Variants in ABCG5 observed in about 807,000 individuals in gnomAD.
ABCG5 encodes ATP-binding cassette sub-family G member 5.
ABCG5 carries 64 observed loss-of-function variants against 64.5 expected under a neutral mutation model. The ratio of observed to expected loss-of-function variants is 0.99; its 90% CI spans 0.81 to 1.22. The LOEUF (loss-of-function observed/expected upper bound fraction) is 1.22. Among genes scored for constraint, ABCG5 ranks in the 50% most tolerant of loss-of-function variants. The probability of loss-of-function intolerance (pLI) is 0.00; values close to 1 mark genes in which losing one functional copy is unlikely to be tolerated. For synonymous variants in ABCG5, 385 were observed against 326.3 expected, an observed-to-expected ratio of 1.18 and a Z score of -1.94; for missense variants, 908 against 829.5, an observed-to-expected ratio of 1.09 and a Z score of -1.16.
At chr2:43,830,811 G>T (rs1667908737) in intron 4 of ABCG5, among the ~76,000 whole-genome samples, 1 of 152,220 alleles carries the variant, frequency 6.6e-6, no homozygotes, top group Non-Finnish European at 1.5e-5. Flanking sequence ...GGTCCCCGGT[G>T]GGTTTACCTG....
Position 43,831,758 on chromosome 2 carries a change from G to T in ABCG5, c.501+11C>A, listed in dbSNP as rs530079060. On this transcript the variant is annotated intron_variant, in intron 4 of 12. Coordinates refer to ENST00000405322, the MANE Select transcript of ABCG5 (RefSeq NM_022436.3). ...TCAGTTTGCCCTCTGTGAGCGGGGG[G>T]CTGCACCCACCTTCTTCTGGAAGGA... The T allele has an allele frequency of 1.3e-4, 209 of 1,567,568 alleles. No individual in the cohort carries two copies. In the African/African-American group the frequency reaches 2.4e-3, roughly 18 times the overall value.
At chr2:43,815,314 A>G (rs1295220858) in intron 11 of ABCG5, among the ~76,000 whole-genome samples, 3 of 152,218 alleles carry the variant, frequency 2.0e-5, no homozygotes, top group African/African-American at 7.2e-5. Context: ...TTCTGTTTGC[A>G]AGGCACTAGT....
intron 5 of ABCG5, among the ~76,000 whole-genome samples, 164 bp downstream of exon 5, chr2:43,827,819 A>G (rs915654167): frequency 3.3e-5 from 5 of 152,184 alleles, no homozygotes; most frequent in African/African-American, 1.2e-4. Context: ...AATGAACTGT[A>G]CAGCATTTCC....
At chr2:43,839,114 T>A (rs2104901890), upstream of ABCG5, 1 of 1,551,096 alleles carries the variant, frequency 6.4e-7, no homozygotes, top group Non-Finnish European at 8.7e-7. Flanking sequence ...CCAGGATACC[T>A]CGGTGAGTGA....
rs773996683 is a variant in ABCG5, at chr2:43,823,998, C to G, written c.1239G>C (p.Lys413Asn). 6.2e-7 allele frequency: 1 copy of G among 1,614,196 alleles called. No individual in the cohort carries two copies. The highest frequency in any genetic ancestry group is 8.5e-7 in the Non-Finnish European group (1 of 1,180,044). ...FVLRVRSNVL[K>N]GAIQDRVGLL... Reference sequence around the variant, plus strand: ...GACCTACGCGGTCCTGGATAGCACCCTTTAGCACATTGCTTCGGACCCGCA... The same window carrying G: ...GACCTACGCGGTCCTGGATAGCACCGTTTAGCACATTGCTTCGGACCCGCA... Residue 413 changes from lysine (K) to asparagine (N), a missense_variant, in exon 9 of 13, where the codon AAG (lysine) becomes AAC (asparagine). Physicochemically the swap from Lys to Asn is moderately conservative, Grantham distance 94. Transcript: ENST00000405322.
At chr2:43,819,838 C>T in intron 11 of ABCG5, 77 bp downstream of exon 11, 2 of 1,500,348 alleles carry the variant, frequency 1.3e-6, no homozygotes, top group Non-Finnish European at 1.9e-6. Context: ...TCTGGTATTC[C>T]TTTACTTCAG....
chr2:43,821,321 G>C (rs1195826149), intron 10 of ABCG5, among the ~76,000 whole-genome samples: 1 of 152,150 alleles, frequency 6.6e-6, no homozygotes, highest in Non-Finnish European at 1.5e-5. Context: ...TTTTCCTCAA[G>C]CTCTTTAACC....
At chr2:43,831,638 G>C in intron 4 of ABCG5, 131 bp downstream of exon 4, 2 of 924,664 alleles carry the variant, frequency 2.2e-6, no homozygotes, top group Non-Finnish European at 3.3e-6. Context: ...GGTGCAGGAC[G>C]CAGGGCGCGC....
At chr2:43,824,583 T>G in intron 7 of ABCG5, 151 bp from the exon 8 acceptor site, 1 of 1,537,564 alleles carries the variant, frequency 6.5e-7, no homozygotes, top group Non-Finnish European at 8.7e-7. Context: ...TCAGAATACT[T>G]TAAAGCATCC....
intron 11 of ABCG5, among the ~76,000 whole-genome samples, chr2:43,816,101 C>T (rs564124436): frequency 6.6e-6 from 1 of 152,228 alleles, no homozygotes; most frequent in Admixed American, 6.5e-5. Flanking sequence ...TCCACATGCA[C>T]CTATGGTTTG....
chr2:43,828,155 G>C (rs1475180004), intron 4 of ABCG5, 40 bp from the exon 5 acceptor site: 37 of 1,613,006 alleles, frequency 2.3e-5, no homozygotes, highest in Non-Finnish European at 3.1e-5. Context: ...GGGAGTCTCT[G>C]TGGCTGCTAT....
At position 43,826,369 on chromosome 2, in the gene ABCG5, T is replaced by A; in HGVS notation, c.774+13A>T. On this transcript the variant is annotated intron_variant, in intron 6 of 12. Coordinates refer to ENST00000405322, the MANE Select transcript of ABCG5 (RefSeq NM_022436.3). ...ACACCATAGACCCGGCCTTTACGAG[T>A]TGAACCTCTTACCTGAAAAAGCTCA... is the stretch of plus-strand genomic sequence containing the variant. 3.1e-6 allele frequency: 5 copies of A among 1,613,738 alleles called. No individual in the cohort carries two copies. Among genetic ancestry groups the A allele is most frequent in the African/African-American group, 1.3e-5 (1 of 74,918 alleles).
At position 43,818,525 on chromosome 2, in the gene ABCG5, T is replaced by G. The variant is rs1350305153; in HGVS notation, c.1649+1390A>C. Among the ~76,000 whole-genome samples the G allele has an allele frequency of 2.0e-5, 3 of 152,208 alleles. No homozygotes were observed. The East Asian group carries it at 5.8e-4, about 29-fold the overall frequency. ...AAAAAATCATAAGTCGGGGATCATCTGTACATGAAATGGCACCAGATTAAC... is the reference window on the plus strand; with the variant it reads ...AAAAAATCATAAGTCGGGGATCATCGGTACATGAAATGGCACCAGATTAAC... On this transcript the variant is annotated intron_variant, in intron 11 of 12. Transcript: ENST00000405322.
intron 11 of ABCG5, among the ~76,000 whole-genome samples, chr2:43,818,401 G>A (rs1209944672): frequency 2.6e-5 from 4 of 152,116 alleles, no homozygotes; most frequent in African/African-American, 9.7e-5. Context: ...CTGAGATCGC[G>A]CCATTGCACT....
chr2:43,829,634 T>C (rs1321390689), intron 4 of ABCG5, among the ~76,000 whole-genome samples: 1 of 152,232 alleles, frequency 6.6e-6, no homozygotes, highest in Admixed American at 6.5e-5. Context: ...CAAATCTGTT[T>C]CTGTCCCCCT....
chr2:43,806,567 G>A, the ABCG5 span, among the ~76,000 whole-genome samples: 1 of 152,188 alleles, frequency 6.6e-6, no homozygotes, highest in Non-Finnish European at 1.5e-5. Context: ...TATGTTTGCA[G>A]CCTGGCTATA....
rs140374206 is a variant in ABCG5 at position 43,813,208 on chromosome 2, T to C, written c.1864A>G (p.Met622Val). The C allele has an allele frequency of 5.9e-3, 9,554 of 1,608,908 alleles. 52 individuals carry two copies. The highest frequency in any genetic ancestry group is 0.022 in the Middle Eastern group (132 of 6,050). Residue 622 changes from methionine to valine, a missense_variant, in exon 13 of 13, where the codon ATG becomes GTG. By Grantham distance (21) the Met-to-Val change is conservative. Transcript: ENST00000405322. ...TCPGATSRFT[M>V]NFLILYSFIP... ...AATGAATACAAAATCAGAAAGTTCA[T>C]TGTGAATCTAGATGTTGCACCTGGG...
At chr2:43,831,053 G>A (rs1667919204) in intron 4 of ABCG5, among the ~76,000 whole-genome samples, 1 of 152,184 alleles carries the variant, frequency 6.6e-6, no homozygotes, top group Admixed American at 6.5e-5. Flanking sequence ...AGACAGAAGT[G>A]AAATTTTAGT....
chr2:43,832,381 T>G (rs1668004574), intron 2 of ABCG5: 2 of 539,870 alleles, frequency 3.7e-6, no homozygotes, highest in Non-Finnish European at 6.6e-6. Context: ...TATTTGTCTT[T>G]AAAACTGTTT....
Sources: allele counts gnomAD v4.1 joint callset (sites outside exome capture counted in the v4.1 genomes callset), GRCh38; gene constraint gnomAD v4.1.1; transcripts MANE v1.5; gene names NCBI Gene and HGNC (gene_info 2026-07-23, HGNC 2026-07-21).